Variants in MFSD6 observed in about 807,000 individuals in gnomAD.
MFSD6 encodes major facilitator superfamily domain-containing protein 6.
In MFSD6, 26 loss-of-function variants were observed where a neutral mutation model predicts 56.3. That is an observed-to-expected ratio of 0.46 (90% CI 0.34 to 0.64). MFSD6 has a LOEUF of 0.64. MFSD6 is among the 30% of genes least tolerant of loss of function. The pLI, the probability that MFSD6 is intolerant of heterozygous loss-of-function variation, is 0.01. For missense variants in MFSD6, 750 were observed against 986.2 expected, an observed-to-expected ratio of 0.76 and a Z score of 3.21; for synonymous variants, 331 against 366.9, an observed-to-expected ratio of 0.90 and a Z score of 1.12.
chr2:190,432,652 A>G (rs1324810994), intron 2 of MFSD6, among the ~76,000 whole-genome samples: 4 of 152,038 alleles, frequency 2.6e-5, no homozygotes, highest in Admixed American at 6.6e-5. Flanking sequence ...CCTGACCTCA[A>G]ATGATCCACC....
intron 4 of MFSD6, among the ~76,000 whole-genome samples, chr2:190,479,874 A>G (rs1688561220): frequency 6.6e-6 from 1 of 152,192 alleles, no homozygotes; most frequent in South Asian, 2.1e-4. Context: ...TTTTAATGTC[A>G]TCAGTTAGGG....
In MFSD6 at chr2:190,494,236, G is replaced by T. The variant is rs1413352352; in HGVS notation, c.1892-3203G>T. 6.6e-6 allele frequency among the ~76,000 whole-genome samples: 1 copy of T among 151,962 alleles called. No individual in the cohort carries two copies. The highest frequency in any genetic ancestry group is 1.5e-5 in the Non-Finnish European group (1 of 67,940). Reference sequence around the variant, plus strand: ...AAGGCTACTATTAACACCTTTACATGCATAAACTGGAAAACGCAGAGGAGA... The same window carrying T: ...AAGGCTACTATTAACACCTTTACATTCATAAACTGGAAAACGCAGAGGAGA... On this transcript the variant is annotated intron_variant, in intron 6 of 7. Transcript: ENST00000392328. This position sits in a 1 kb window ranked among gnomAD's most constrained non-coding sequence, Gnocchi z 5.7.
intron 4 of MFSD6, among the ~76,000 whole-genome samples, chr2:190,478,105 C>A (rs1688446138): frequency 6.6e-6 from 1 of 152,146 alleles, no homozygotes; most frequent in Admixed American, 6.5e-5. Context: ...GGGATATTAT[C>A]CCAGGATTTA....
chr2:190,477,402 A>C (rs1688399678), intron 4 of MFSD6: 1 of 952,088 alleles, frequency 1.1e-6, no homozygotes, highest in South Asian at 4.9e-5. Context: ...AAAAGAAATG[A>C]CTATATATTA....
rs1426953794 is a variant in MFSD6 at position 190,431,038 on chromosome 2, G to A, written c.-53-4939G>A. On this transcript the variant is annotated intron_variant, in intron 2 of 7. Transcript: ENST00000392328. The surrounding 1 kb of genome is among the most constrained non-coding windows in gnomAD (Gnocchi z 4.4). ...TCACCTCCCAGACGGGGTCGCGGCC[G>A]GGCAGAGGCGCTCCTCACCTCCCAG... Among the ~76,000 whole-genome samples the A allele has an allele frequency of 1.1e-4, 13 of 116,092 alleles. No homozygotes were observed. The highest frequency in any genetic ancestry group is 1.4e-4 in the Non-Finnish European group (7 of 48,614). 76.2% of individuals were successfully genotyped at this position (116,092 alleles called of 152,430 possible). A position where few individuals can be genotyped will look rare whatever the true frequency, so the allele number is the denominator to read the frequency against.
rs770595852 is a variant in MFSD6, at chr2:190,497,637, C to T, written c.2090C>T (p.Thr697Ile). Reference protein sequence around the residue: ...AWGVSSSPWVTFVYALYQIKE... With the variant: ...AWGVSSSPWVIFVYALYQIKE... Reference sequence around the variant, plus strand: ...GGAGTCAGCTCTTCTCCCTGGGTGACCTTTGTCTATGCACTCTACCAAATT... The same window carrying T: ...GGAGTCAGCTCTTCTCCCTGGGTGATCTTTGTCTATGCACTCTACCAAATT... Residue 697 changes from threonine (T) to isoleucine (I), a missense_variant, in exon 7 of 8, where the codon ACC (threonine) becomes ATC (isoleucine). Transcript: ENST00000392328. This position sits in a 1 kb window ranked among gnomAD's most constrained non-coding sequence, Gnocchi z 5.2. 1 of 1,614,146 alleles carries T rather than the reference C, an allele frequency of 6.2e-7. No homozygotes were observed. The highest frequency in any genetic ancestry group is 1.1e-5 in the South Asian group (1 of 91,082).
At chr2:190,432,835 C>T (rs1466155534) in intron 2 of MFSD6, among the ~76,000 whole-genome samples, 1 of 149,334 alleles carries the variant, frequency 6.7e-6, no homozygotes, top group African/African-American at 2.5e-5. Context: ...CCCCAACACA[C>T]ACACACTCTC....
At chr2:190,442,493 C>G (rs4129082) in intron 3 of MFSD6, 106,822 of 151,822 alleles carry the variant, frequency 0.7, 38,499 homozygotes, top group Admixed American at 0.79. Context: ...TGTTGCTATG[C>G]AGGGTAACTT....
In MFSD6 at chr2:190,469,728, A is replaced by G; in HGVS notation, c.1533-30A>G. On this transcript the variant is annotated intron_variant, in intron 3 of 7. Coordinates refer to ENST00000392328, the MANE Select transcript of MFSD6 (RefSeq NM_017694.4). This position sits in a 1 kb window ranked among gnomAD's most constrained non-coding sequence, Gnocchi z 5.3. Reference sequence around the variant, plus strand: ...AGTTTATTTTCCTTTGCTTTTTTTTATTTTATTTTTATTTTTTATTTTTTT... The same window carrying G: ...AGTTTATTTTCCTTTGCTTTTTTTTGTTTTATTTTTATTTTTTATTTTTTT... The G allele has an allele frequency of 9.7e-7, 1 of 1,025,748 alleles. No homozygotes were observed. Among genetic ancestry groups the G allele is most frequent in the Non-Finnish European group, 1.3e-6 (1 of 788,052 alleles). 63.5% of individuals were successfully genotyped at this position (1,025,748 alleles called of 1,614,324 possible).
intron 4 of MFSD6, among the ~76,000 whole-genome samples, chr2:190,483,181 C>T (rs1487009825): frequency 2.0e-5 from 3 of 151,848 alleles, no homozygotes; most frequent in South Asian, 2.1e-4. Context: ...CGTGAGCCAC[C>T]GCGCCCGGCC....
intron 3 of MFSD6, among the ~76,000 whole-genome samples, chr2:190,460,255 T>C (rs940841400): frequency 5.3e-5 from 8 of 152,238 alleles, no homozygotes; most frequent in Admixed American, 3.3e-4. Flanking sequence ...TTTTCAACCA[T>C]AGCCTATTAA....
chr2:190,449,995 C>T (rs1381628790), intron 3 of MFSD6, among the ~76,000 whole-genome samples: 1 of 151,220 alleles, frequency 6.6e-6, no homozygotes, highest in Non-Finnish European at 1.5e-5. Context: ...GCACGTGTAC[C>T]CTAAAACTTA....
In MFSD6 at chr2:190,416,469, C is replaced by G. The variant is rs1690779863; in HGVS notation, c.-54+1056C>G. On this transcript the variant is annotated intron_variant, in intron 2 of 7. Coordinates refer to ENST00000392328, the MANE Select transcript of MFSD6 (RefSeq NM_017694.4). The surrounding 1 kb of genome is among the most constrained non-coding windows in gnomAD (Gnocchi z 4.1). The stretch of plus-strand genomic sequence containing the variant: ...TTCTTTCCTGGAGATAATGAATTAT[C>G]ATTCCAGTCCATATTACAATAGTGT... 6.6e-6 allele frequency among the ~76,000 whole-genome samples: 1 copy of G among 152,170 alleles called. No individual in the cohort carries two copies. The highest frequency in any genetic ancestry group is 1.9e-4 in the East Asian group (1 of 5,202).
In MFSD6 at chr2:190,500,032, G is replaced by A; in HGVS notation, c.2190G>A (p.Arg730=). 6.2e-7 allele frequency: 1 copy of A among 1,614,184 alleles called. No homozygotes were observed. The highest frequency in any genetic ancestry group is 8.5e-7 in the Non-Finnish European group (1 of 1,180,028). The change falls in exon 8 of 8, where the codon AGG becomes AGA. Residue 730 remains arginine, a synonymous_variant. Coordinates refer to ENST00000392328, the MANE Select transcript of MFSD6 (RefSeq NM_017694.4). The surrounding 1 kb of genome is among the most constrained non-coding windows in gnomAD (Gnocchi z 5.3). ...IQPLQGTNEN[R]ENSPAGRAQP... The stretch of plus-strand genomic sequence containing the variant: ...ACCTCCAGGGGACCAATGAGAATAG[G>A]GAAAATTCTCCTGCTGGTAGAGCCC...
Position 190,433,118 on chromosome 2 carries a change from G to T in MFSD6, c.-53-2859G>T, listed in dbSNP as rs1316831064. Among the ~76,000 whole-genome samples the T allele has an allele frequency of 6.6e-6, 1 of 152,174 alleles. No individual in the cohort carries two copies. Among genetic ancestry groups the T allele is most frequent in the African/African-American group, 2.4e-5 (1 of 41,440 alleles). On this transcript the variant is annotated intron_variant, in intron 2 of 7. Transcript: ENST00000392328. This position sits in a 1 kb window ranked among gnomAD's most constrained non-coding sequence, Gnocchi z 4.5. The stretch of plus-strand genomic sequence containing the variant: ...TTGAATTATGACTTTTACAGTGTGT[G>T]TGTATGTTTGGGTGTGTGTGTGTTT...
rs945166536 is a variant in MFSD6 at position 190,439,956 on chromosome 2, A to C, written c.1532+2395A>C. On this transcript the variant is annotated intron_variant, in intron 3 of 7. Transcript: ENST00000392328. This position sits in a 1 kb window ranked among gnomAD's most constrained non-coding sequence, Gnocchi z 5.8. ...GGTATTGGTTGTGATTTGGGGATTT[A>C]AACTTTCCACTGGAAGAATACCATT... 6.6e-6 allele frequency among the ~76,000 whole-genome samples: 1 copy of C among 152,208 alleles called. No homozygotes were observed. Among genetic ancestry groups the C allele is most frequent in the African/African-American group, 2.4e-5 (1 of 41,454 alleles).
chr2:190,450,488 CTT>C lies in MFSD6; in HGVS notation c.1532+12947_1532+12948del, dbSNP rs10665730. 1.5e-4 allele frequency among the ~76,000 whole-genome samples: 15 copies of C among 97,252 alleles called. No homozygotes were observed. The Admixed American group carries it at 1.6e-3, about 10-fold the overall frequency. 63.8% of individuals were successfully genotyped at this position (97,252 alleles called of 152,430 possible). A position where few individuals can be genotyped will look rare whatever the true frequency, so the allele number is the denominator to read the frequency against. ...CTAACTTTTTCTTTTTCTCTTTTTC[CTT>C]TTTTTTTTTTTTTTTTTTTGAGACA... On this transcript the variant is annotated intron_variant, in intron 3 of 7. Transcript: ENST00000392328.
chr2:190,490,427 G>C lies in MFSD6; in HGVS notation c.1891+561G>C, dbSNP rs1368658834. 6.6e-6 allele frequency among the ~76,000 whole-genome samples: 1 copy of C among 152,050 alleles called. No individual in the cohort carries two copies. Among genetic ancestry groups the C allele is most frequent in the Non-Finnish European group, 1.5e-5 (1 of 68,002 alleles). On this transcript the variant is annotated intron_variant, in intron 6 of 7. Transcript: ENST00000392328. This position sits in a 1 kb window ranked among gnomAD's most constrained non-coding sequence, Gnocchi z 4.5. ...AAATATAAAAAATTAGCCGGGCACGGTGGTGGGCGCCTGTAATCCCAGCTA... is the reference window on the plus strand; with the variant it reads ...AAATATAAAAAATTAGCCGGGCACGCTGGTGGGCGCCTGTAATCCCAGCTA...
intron 3 of MFSD6, among the ~76,000 whole-genome samples, chr2:190,466,733 T>C (rs915512401): frequency 2.6e-5 from 4 of 152,222 alleles, no homozygotes; most frequent in Admixed American, 2.0e-4. Context: ...GGATACTTCT[T>C]ATTTTGTGTT....
Sources: gnomAD v4.1 joint callset for allele counts (sites outside exome capture counted in the v4.1 genomes callset) on GRCh38, gnomAD v4.1.1 for gene constraint, Gnocchi (gnomAD v3.1) non-coding constraint, MANE v1.5 for transcripts, NCBI Gene and HGNC (gene_info 2026-07-23, HGNC 2026-07-21) for gene names.